Variants in ANKRD12 observed in about 807,000 individuals in gnomAD.
The protein encoded by ANKRD12 is ankyrin repeat domain 12.
In ANKRD12, 85 loss-of-function variants were observed where a neutral mutation model predicts 183.4. That is an observed-to-expected ratio of 0.46 (90% CI 0.39 to 0.56). The LOEUF is 0.56. ANKRD12 is among the 20% of genes least tolerant of loss of function. The pLI, the probability that ANKRD12 is intolerant of heterozygous loss-of-function variation, is 0.00. For synonymous variants in ANKRD12, 914 were observed against 800.2 expected (o/e 1.14, Z -2.40); for missense variants, 2,405 against 2,357.1 (o/e 1.02, Z -0.42).
intron 8 of ANKRD12, among the ~76,000 whole-genome samples, chr18:9,245,523 T>A (rs1031525448): frequency 6.6e-6 from 1 of 152,138 alleles, no homozygotes; most frequent in Admixed American, 6.6e-5. Context: ...AGGCATGACT[T>A]TTTTCTTTAT....
Position 9,255,550 on chromosome 18 carries a change from T to C in ANKRD12, c.2283T>C (p.Ser761=). Residue 761 remains serine (S), a synonymous_variant, in exon 9 of 13, where the codon TCT becomes TCC. Coordinates refer to ENST00000262126, the MANE Select transcript of ANKRD12 (RefSeq NM_015208.5). The stretch of plus-strand genomic sequence containing the variant: ...AGATTAAAAAGGAAAGCGAGAAATC[T>C]TTTAGGGAGGAAAAAATAAAAGATC... ...RDKIKKESEK[S]FREEKIKDLK... is the part of the protein sequence containing the mutation. 3.2e-6 allele frequency: 5 copies of C among 1,575,274 alleles called. No homozygotes were observed. Among genetic ancestry groups the C allele is most frequent in the Non-Finnish European group, 4.3e-6 (5 of 1,169,944 alleles).
chr18:9,267,044 A>T (rs2039332534), intron 10 of ANKRD12, among the ~76,000 whole-genome samples: 1 of 152,152 alleles, frequency 6.6e-6, no homozygotes, highest in Non-Finnish European at 1.5e-5. Context: ...TGGTAAAGGG[A>T]TCAATTCAAC....
chr18:9,272,744 A>C (rs2039664816), intron 10 of ANKRD12, among the ~76,000 whole-genome samples: 1 of 152,200 alleles, frequency 6.6e-6, no homozygotes, highest in African/African-American at 2.4e-5. Flanking sequence ...TTTAAATTGT[A>C]CTTAATAAAT....
intron 2 of ANKRD12, among the ~76,000 whole-genome samples, chr18:9,194,021 A>G (rs1465326122): frequency 1.3e-5 from 2 of 152,190 alleles, no homozygotes; most frequent in Non-Finnish European, 2.9e-5. Context: ...ATGAATTATA[A>G]ATCCATTTCT....
intron 2 of ANKRD12, among the ~76,000 whole-genome samples, chr18:9,187,117 T>C (rs1390002560): frequency 3.9e-5 from 6 of 152,076 alleles, no homozygotes; most frequent in Admixed American, 3.9e-4. Flanking sequence ...TGCTAAGTTG[T>C]TTTTCCCCAT....
At position 9,270,166 on chromosome 18, in the gene ANKRD12, G is replaced by A. The variant is rs531153351; in HGVS notation, c.5764-5358G>A. ...AGGAATACTTTTACACTGTTGGTGG[G>A]ACTGTAAACTAGTTCAACCATTGTG... On this transcript the variant is annotated intron_variant, in intron 10 of 12. Transcript: ENST00000262126. Among the ~76,000 whole-genome samples, 6 of 152,318 alleles carry A rather than the reference G, an allele frequency of 3.9e-5. No individual in the cohort carries two copies. The South Asian group carries it at 1.2e-3, about 32-fold the overall frequency.
At chr18:9,212,678 G>A (rs904274884) in intron 6 of ANKRD12, among the ~76,000 whole-genome samples, 3 of 150,600 alleles carry the variant, frequency 2.0e-5, no homozygotes, top group African/African-American at 7.3e-5. Flanking sequence ...TTGAAATAAT[G>A]GAAATTGCCC....
At chr18:9,189,541 G>C (rs940152049) in intron 2 of ANKRD12, among the ~76,000 whole-genome samples, 2 of 152,184 alleles carry the variant, frequency 1.3e-5, no homozygotes, top group African/African-American at 4.8e-5. Flanking sequence ...GTCAATCCCT[G>C]GCTTCAAAGC....
Position 9,254,937 on chromosome 18 carries a change from C to T in ANKRD12, c.1670C>T (p.Pro557Leu). ...GGATTAAGTGAAAAACAGTCAACAC[C>T]ACTAAAACAAGAACATACTAAAACA... is the stretch of plus-strand genomic sequence containing the variant. ...SCGLSEKQST[P>L]LKQEHTKTCL... The change falls in exon 9 of 13, where the codon CCA becomes CTA. Residue 557 changes from proline (P) to leucine (L), a missense_variant. Physicochemically the swap from Pro to Leu is moderately conservative, Grantham distance 98. This residue lies in a region of ANKRD12 where 1,983 missense variants were observed against 1,725.9 expected (regional missense o/e 1.15). Coordinates refer to ENST00000262126, the MANE Select transcript of ANKRD12 (RefSeq NM_015208.5). The T allele has an allele frequency of 6.3e-7, 1 of 1,593,338 alleles. No homozygotes were observed. Among genetic ancestry groups the T allele is most frequent in the South Asian group, 1.2e-5 (1 of 86,396 alleles).
chr18:9,174,528 G>T (rs927554850), intron 1 of ANKRD12, among the ~76,000 whole-genome samples: 1 of 152,224 alleles, frequency 6.6e-6, no homozygotes, highest in Non-Finnish European at 1.5e-5. Context: ...ATCCATGGTT[G>T]CAAAGATCCG....
At chr18:9,218,931 G>A (rs2036265944) in intron 7 of ANKRD12, among the ~76,000 whole-genome samples, 4 of 152,158 alleles carry the variant, frequency 2.6e-5, no homozygotes, top group South Asian at 4.2e-4. Flanking sequence ...AAAGCGTTGG[G>A]ATTATGGGCA....
chr18:9,255,867 TA>T lies in ANKRD12; in HGVS notation c.2604del (p.Glu869LysfsTer54). ...GATCTTAGTGAATGTGTTGATAAAA[TA>T]AAAGAAAAGGACAAGCTATATTCGC... ...KLDLSECVDK[I>X]KEKDKLYSHH... On this transcript the variant is annotated frameshift_variant, in exon 9 of 13. Coordinates refer to ENST00000262126, the MANE Select transcript of ANKRD12 (RefSeq NM_015208.5). LOFTEE classifies it high-confidence loss of function. The T allele has an allele frequency of 6.3e-7, 1 of 1,586,676 alleles. No individual in the cohort carries two copies. Among genetic ancestry groups the T allele is most frequent in the Non-Finnish European group, 8.5e-7 (1 of 1,171,924 alleles).
chr18:9,197,551 C>T (rs920397686), intron 3 of ANKRD12, among the ~76,000 whole-genome samples: 4 of 146,142 alleles, frequency 2.7e-5, no homozygotes, highest in African/African-American at 1.0e-4. Flanking sequence ...TTACCAATAA[C>T]ATAAACAGTC....
At chr18:9,173,943 C>A (rs746823546) in intron 1 of ANKRD12, among the ~76,000 whole-genome samples, 1 of 152,242 alleles carries the variant, frequency 6.6e-6, no homozygotes, top group Non-Finnish European at 1.5e-5. Context: ...GGGCACTCCT[C>A]CCCCTAGGGG....
At chr18:9,159,391 A>G (rs968303645) in intron 1 of ANKRD12, among the ~76,000 whole-genome samples, 1 of 152,112 alleles carries the variant, frequency 6.6e-6, no homozygotes, top group African/African-American at 2.4e-5. Context: ...CCCAACAGCA[A>G]GAAATCTGGC....
intron 8 of ANKRD12, chr18:9,249,692 A>G (rs1418774669): frequency 6.6e-6 from 1 of 152,214 alleles, no homozygotes; most frequent in East Asian, 1.9e-4. Context: ...AAAAGAATAA[A>G]TCTGTAACTG....
At position 9,258,081 on chromosome 18, in the gene ANKRD12, C is replaced by A; in HGVS notation, c.4814C>A (p.Ala1605Glu). ...TCTACCCAGCTAAATACACATTATGCATTTAGCAAACTAACTTACAAGTCT... is the reference window on the plus strand; with the variant it reads ...TCTACCCAGCTAAATACACATTATGAATTTAGCAAACTAACTTACAAGTCT... ...DASTQLNTHY[A>E]FSKLTYKSSS... Residue 1605 changes from alanine (A) to glutamate (E), a missense_variant, in exon 9 of 13, where the codon GCA (alanine) becomes GAA (glutamate). Coordinates refer to ENST00000262126, the MANE Select transcript of ANKRD12 (RefSeq NM_015208.5). 1.9e-6 allele frequency: 3 copies of A among 1,613,236 alleles called. No individual in the cohort carries two copies. The highest frequency in any genetic ancestry group is 2.5e-6 in the Non-Finnish European group (3 of 1,179,938).
chr18:9,142,598 TG>T (rs1239259068), intron 1 of ANKRD12, among the ~76,000 whole-genome samples: 1 of 152,168 alleles, frequency 6.6e-6, no homozygotes, highest in African/African-American at 2.4e-5. Context: ...TTAGTAGTAA[TG>T]GGCCAGGTGC....
intron 1 of ANKRD12, among the ~76,000 whole-genome samples, chr18:9,181,668 A>G (rs2033708828): frequency 6.6e-6 from 1 of 152,246 alleles, no homozygotes; most frequent in Non-Finnish European, 1.5e-5. Context: ...TGACAGCAAC[A>G]TAGGTGTAGC....
Sources: allele counts gnomAD v4.1 joint callset (sites outside exome capture counted in the v4.1 genomes callset), GRCh38; gene constraint gnomAD v4.1.1; regional missense constraint gnomAD v4.1.1; transcripts MANE v1.5; gene names NCBI Gene and HGNC (gene_info 2026-07-23, HGNC 2026-07-21).